TTC34: variants seen among roughly 807,000 people sequenced by gnomAD.
TTC34 encodes tetratricopeptide repeat domain 34, also known as tetratricopeptide repeat protein 34.
Under a neutral mutation model 40.7 loss-of-function variants are expected in TTC34, and 44 were observed. The ratio of observed to expected loss-of-function variants is 1.08; its 90% CI spans 0.85 to 1.39. The LOEUF (loss-of-function observed/expected upper bound fraction) is 1.39, where lower values mean the gene tolerates loss of function less well. Among genes scored for constraint, TTC34 ranks in the 40% most tolerant of loss-of-function variants. The pLI is 0.00. For missense variants in TTC34, 884 were observed against 838.0 expected, an observed-to-expected ratio of 1.05 and a Z score of -0.68; for synonymous variants, 422 against 398.6, an observed-to-expected ratio of 1.06 and a Z score of -0.70.
rs567071397 is a variant in TTC34, at chr1:2,651,512, C to A, written c.2227-5949G>T. ...AGCATCTGACAGCCTAGAATGGCACCACCACACTTAGGTGAGAATCTGACA... is the reference window on the plus strand; with the variant it reads ...AGCATCTGACAGCCTAGAATGGCACAACCACACTTAGGTGAGAATCTGACA... On this transcript the variant is annotated intron_variant, in intron 6 of 8. Coordinates refer to ENST00000401095, the Ensembl canonical transcript of TTC34. Among the ~76,000 whole-genome samples the A allele has an allele frequency of 2.0e-5, 3 of 152,190 alleles. No individual in the cohort carries two copies. The South Asian group carries it at 6.2e-4, about 32-fold the overall frequency.
intron 6 of TTC34, among the ~76,000 whole-genome samples, chr1:2,690,455 C>T (rs574991068): frequency 1.3e-5 from 2 of 150,142 alleles, no homozygotes; most frequent in South Asian, 4.2e-4. Context: ...GAACAGCACC[C>T]ACAACCACAG....
intron 6 of TTC34, among the ~76,000 whole-genome samples, chr1:2,683,243 A>C (rs1307395665): frequency 6.7e-6 from 1 of 148,944 alleles, no homozygotes; most frequent in African/African-American, 2.5e-5. Context: ...CCAAGTGAGC[A>C]TCTGATGGTT....
At chr1:2,644,166 G>A (rs1319083321) in intron 8 of TTC34, 98 bp downstream of exon 8, 1 of 1,251,028 alleles carries the variant, frequency 8.0e-7, no homozygotes, top group Non-Finnish European at 1.1e-6. Flanking sequence ...CCCAACCGCA[G>A]AGAGTGAAGA....
rs1011992625 is a variant in TTC34 at position 2,645,099 on chromosome 1, A to T, written c.2497+194T>A. Among the ~76,000 whole-genome samples, 1 of 152,188 alleles carries T rather than the reference A, an allele frequency of 6.6e-6. No homozygotes were observed. The highest frequency in any genetic ancestry group is 2.4e-5 in the African/African-American group (1 of 41,450). The stretch of plus-strand genomic sequence containing the variant: ...GCAAAGAGCCACCCGGGTAAAGCAG[A>T]GGAGAGCCTTTTGAACGCCAGGCCT... On this transcript the variant is annotated intron_variant, in intron 7 of 8. Coordinates refer to ENST00000401095, the Ensembl canonical transcript of TTC34. This position sits in a 1 kb window ranked among gnomAD's most constrained non-coding sequence, Gnocchi z 4.7.
At chr1:2,752,882 A>ATGG (rs1641371180) in intron 6 of TTC34, among the ~76,000 whole-genome samples, 1 of 150,748 alleles carries the variant, frequency 6.6e-6, no homozygotes, top group African/African-American at 2.5e-5. Flanking sequence ...ATGGCCTGGA[A>ATGG]CGGCACCCAC....
intron 6 of TTC34, among the ~76,000 whole-genome samples, chr1:2,655,552 A>C (rs1330209841): frequency 2.1e-3 from 290 of 137,972 alleles, no homozygotes; most frequent in African/African-American, 8.0e-3. Context: ...AGCATCTGAC[A>C]GCCTGCAACA....
intron 6 of TTC34, among the ~76,000 whole-genome samples, chr1:2,781,850 T>C (rs1643489122): frequency 6.6e-6 from 1 of 152,246 alleles, no homozygotes; most frequent in Non-Finnish European, 1.5e-5. Flanking sequence ...ATCCTTGCAT[T>C]CTAGCAATAA....
chr1:2,798,136 C>T (rs370920075), intron 2 of TTC34, among the ~76,000 whole-genome samples: 182 of 138,898 alleles, frequency 1.3e-3, no homozygotes, highest in African/African-American at 4.7e-3. Context: ...CCCCCAGCCT[C>T]CCAGCCTCTC....
chr1:2,789,260 G>A (rs938003637), intron 3 of TTC34, among the ~76,000 whole-genome samples: 6 of 152,282 alleles, frequency 3.9e-5, no homozygotes, highest in Middle Eastern at 6.8e-3. Context: ...ACTCGGTTTG[G>A]TGAGCTATTT....
At position 2,778,567 on chromosome 1, in the gene TTC34, G is replaced by A. The variant is rs1300534316; in HGVS notation, c.2226+5042C>T. 3.9e-5 allele frequency among the ~76,000 whole-genome samples: 6 copies of A among 152,316 alleles called. No homozygotes were observed. The South Asian group carries it at 1.2e-3, about 32-fold the overall frequency. Reference sequence around the variant, plus strand: ...TATGGGCTGGAGGAACCACTGTTCAGCCACATCTCCTCTCCTGCCCCTCCT... The same window carrying A: ...TATGGGCTGGAGGAACCACTGTTCAACCACATCTCCTCTCCTGCCCCTCCT... On this transcript the variant is annotated intron_variant, in intron 6 of 8. Transcript: ENST00000401095.
chr1:2,777,482 T>A (rs190984295), intron 6 of TTC34, among the ~76,000 whole-genome samples: 1 of 151,700 alleles, frequency 6.6e-6, no homozygotes, highest in Non-Finnish European at 1.5e-5. Context: ...ATTCCTGGAA[T>A]ATGTGCTGTC....
At chr1:2,783,898 C>T (rs974211550) in intron 5 of TTC34, 123 bp from the exon 6 acceptor site, 1 of 913,526 alleles carries the variant, frequency 1.1e-6, no homozygotes, top group Non-Finnish European at 1.5e-6. Flanking sequence ...GGGGAGCTCA[C>T]AGGCCACTGG....
intron 6 of TTC34, among the ~76,000 whole-genome samples, chr1:2,759,932 G>A (rs1641639713): frequency 1.4e-5 from 2 of 145,404 alleles, no homozygotes; most frequent in Admixed American, 6.8e-5. Flanking sequence ...CCCCAGGTGA[G>A]CATCTGACAG....
chr1:2,792,338 C>T (rs1359625105), intron 2 of TTC34, among the ~76,000 whole-genome samples: 1 of 152,072 alleles, frequency 6.6e-6, no homozygotes, highest in Non-Finnish European at 1.5e-5. Flanking sequence ...TATGAAGATT[C>T]CACATCAGTT....
At chr1:2,764,520 C>A (rs1445377360) in intron 6 of TTC34, among the ~76,000 whole-genome samples, 1 of 148,716 alleles carries the variant, frequency 6.7e-6, no homozygotes, top group Non-Finnish European at 1.5e-5. Flanking sequence ...GAGCATCTGG[C>A]AGCCTGGAGC....
intron 6 of TTC34, among the ~76,000 whole-genome samples, chr1:2,751,728 C>G (rs1641327158): frequency 6.7e-6 from 1 of 149,230 alleles, no homozygotes; most frequent in African/African-American, 2.5e-5. Flanking sequence ...GCACCCACAC[C>G]CCCAGGTGAG....
At chr1:2,685,154 C>G (rs1244637082) in intron 6 of TTC34, among the ~76,000 whole-genome samples, 1 of 140,024 alleles carries the variant, frequency 7.1e-6, no homozygotes, top group African/African-American at 2.8e-5. Flanking sequence ...GAACAGCACC[C>G]ACAACCCCAC....
At position 2,645,520 on chromosome 1, in the gene TTC34, C is replaced by T. The variant is rs28547181; in HGVS notation, c.2270G>A (p.Gly757Glu). The change falls in exon 7 of 9, where the codon GGG becomes GAG. Residue 757 changes from glycine (G) to glutamate (E), a missense_variant. Transcript: ENST00000401095. The surrounding 1 kb of genome is among the most constrained non-coding windows in gnomAD (Gnocchi z 4.7). ...AGAGCGGAGCTCAGGGACCACAGTCCCGGGGCCGAGCTTCAGAGCAGAGAC... is the reference window on the plus strand; with the variant it reads ...AGAGCGGAGCTCAGGGACCACAGTCTCGGGGCCGAGCTTCAGAGCAGAGAC... 8,345 of 1,245,446 alleles carry T rather than the reference C, an allele frequency of 6.7e-3. 190 individuals carry two copies. The East Asian group carries it at 0.14, about 22-fold the overall frequency. The allele number at this position is 1,245,446 out of a possible 1,614,324, so 77.1% of individuals were successfully genotyped here.
chr1:2,797,301 G>C (rs1347563736), intron 2 of TTC34, among the ~76,000 whole-genome samples: 1 of 150,496 alleles, frequency 6.6e-6, no homozygotes, highest in Non-Finnish European at 1.5e-5. Context: ...CTGCTGGCCT[G>C]GGATGGGGGC....
Sources: allele counts gnomAD v4.1 joint callset (sites outside exome capture counted in the v4.1 genomes callset), GRCh38; gene constraint gnomAD v4.1.1; non-coding constraint Gnocchi (gnomAD v3.1); transcripts MANE v1.5; gene names NCBI Gene and HGNC (gene_info 2026-07-23, HGNC 2026-07-21).